The following SFXN5 variants were observed in gnomAD, a reference collection of about 807,000 sequenced individuals.
The protein encoded by SFXN5 is sideroflexin-5.
In SFXN5, 43 loss-of-function variants were observed where a neutral mutation model predicts 50.2. That is an observed-to-expected ratio of 0.86 (90% confidence interval 0.67 to 1.11). The LOEUF is 1.11. SFXN5 is among the 50% of genes least tolerant of loss of function. The pLI, the probability that SFXN5 is intolerant of heterozygous loss-of-function variation, is 0.00. For synonymous variants in SFXN5, 203 were observed against 185.8 expected (o/e 1.09, Z -0.75); for missense variants, 463 against 454.1 (o/e 1.02, Z -0.18).
chr2:73,040,886 CATG>C lies in SFXN5; in HGVS notation c.214_216del (p.His72del). 6.2e-7 allele frequency: 1 copy of C among 1,613,138 alleles called. No individual in the cohort carries two copies. ...TTGGTGACCCCCGGGCGCAGGGTCCCATGCTTATAGTCCTCCAGCAGCTGCACA... is the reference window on the plus strand; with the variant it reads ...TTGGTGACCCCCGGGCGCAGGGTCCCCTTATAGTCCTCCAGCAGCTGCACA... On this transcript the variant is annotated inframe_deletion, in exon 3 of 14. Coordinates refer to ENST00000272433, the MANE Select transcript of SFXN5 (RefSeq NM_144579.3).
intron 6 of SFXN5, among the ~76,000 whole-genome samples, chr2:73,004,311 G>A (rs895783329): frequency 3.9e-4 from 35 of 89,622 alleles, no homozygotes; most frequent in African/African-American, 1.9e-3. Flanking sequence ...GAATGAGTGC[G>A]CGCGCACACA....
rs191056581 is a variant in SFXN5 at position 73,041,428 on chromosome 2, A to C, written c.172-497T>G. Among the ~76,000 whole-genome samples, 875 of 152,304 alleles carry C rather than the reference A, an allele frequency of 5.7e-3. 8 individuals are homozygous for C. Among genetic ancestry groups the C allele is most frequent in the African/African-American group, 0.018 (756 of 41,572 alleles). On this transcript the variant is annotated intron_variant, in intron 2 of 13. Transcript: ENST00000272433. ...GCTTTTAGGCCAGGCGCGGTGGCTC[A>C]CACCTGTAATCCCAGCACTTTTGGA...
rs1168959441 is a variant in SFXN5 at position 73,047,307 on chromosome 2, ATGTG to A, written c.172-6380_172-6377del. Among the ~76,000 whole-genome samples, 35 of 68,226 alleles carry A rather than the reference ATGTG, an allele frequency of 5.1e-4. No individual in the cohort carries two copies. In the East Asian group the frequency reaches 7.4e-3, roughly 14 times the overall value. 44.8% of individuals were successfully genotyped at this position (68,226 alleles called of 152,430 possible). A position where few individuals can be genotyped will look rare whatever the true frequency, so the allele number is the denominator to read the frequency against. On this transcript the variant is annotated intron_variant, in intron 2 of 13. Coordinates refer to ENST00000272433, the MANE Select transcript of SFXN5 (RefSeq NM_144579.3). ...ATATATATATATATATAAAATATAT[ATGTG>A]TGTGTATGTATATATATGTGTATAT...
At chr2:73,005,920 G>A (rs1426326529) in intron 6 of SFXN5, among the ~76,000 whole-genome samples, 1 of 151,986 alleles carries the variant, frequency 6.6e-6, no homozygotes, top group African/African-American at 2.4e-5. Flanking sequence ...TAATTGCAGG[G>A]GGTGGGGGTG....
chr2:73,046,909 A>C (rs1207299668), intron 2 of SFXN5, among the ~76,000 whole-genome samples: 1 of 149,560 alleles, frequency 6.7e-6, no homozygotes, highest in African/African-American at 2.5e-5. Context: ...TGGACATCTC[A>C]CTTGCTGCTA....
intron 3 of SFXN5, among the ~76,000 whole-genome samples, chr2:73,034,321 A>G (rs1678687802): frequency 6.6e-6 from 1 of 152,238 alleles, no homozygotes; most frequent in South Asian, 2.1e-4. Flanking sequence ...GGGTCAGCCA[A>G]GCCTTCCCTT....
Position 72,999,075 on chromosome 2 carries a change from T to C in SFXN5, c.469-61A>G, listed in dbSNP as rs115898648. On this transcript the variant is annotated intron_variant, in intron 8 of 13. Coordinates refer to ENST00000272433, the MANE Select transcript of SFXN5 (RefSeq NM_144579.3). ...TGCCCAAAGCTCCCATACTTCCCCT[T>C]GTAAGCTGTCCCAGCCAGCAAGAAG... 10,980 of 1,565,456 alleles carry C rather than the reference T, an allele frequency of 7.0e-3. 67 individuals are homozygous for C. Among genetic ancestry groups the C allele is most frequent in the Middle Eastern group, 0.014 (82 of 5,970 alleles).
At chr2:72,972,324 T>C (rs1383720549) in intron 10 of SFXN5, among the ~76,000 whole-genome samples, 2 of 152,218 alleles carry the variant, frequency 1.3e-5, no homozygotes, top group Non-Finnish European at 2.9e-5. Flanking sequence ...CTACAGTGCC[T>C]CTGCCTCTGA....
At chr2:72,968,416 G>A (rs1183058944) in intron 12 of SFXN5, 32 bp downstream of exon 12, 1 of 1,594,526 alleles carries the variant, frequency 6.3e-7, no homozygotes, top group South Asian at 1.1e-5. Context: ...CTCCCCCATG[G>A]TGGCCTCTCC....
intron 10 of SFXN5, among the ~76,000 whole-genome samples, chr2:72,979,543 A>C (rs1412258627): frequency 6.6e-6 from 1 of 152,184 alleles, no homozygotes; most frequent in Non-Finnish European, 1.5e-5. Context: ...CCAAGACAGA[A>C]GAATTGCTTG....
intron 13 of SFXN5, among the ~76,000 whole-genome samples, chr2:72,955,192 G>C (rs764314178): frequency 6.6e-6 from 1 of 152,190 alleles, no homozygotes; most frequent in African/African-American, 2.4e-5. Context: ...GCTAATTATT[G>C]ACAGTTGGTG....
intron 2 of SFXN5, among the ~76,000 whole-genome samples, chr2:73,047,339 AT>A (rs1680628197): frequency 7.3e-6 from 1 of 136,322 alleles, no homozygotes; most frequent in African/African-American, 2.6e-5. Flanking sequence ...GTGTATATAT[AT>A]GTACATATAT....
At position 73,066,375 on chromosome 2, in the gene SFXN5, T is replaced by C. The variant is rs553882898; in HGVS notation, c.102+5229A>G. On this transcript the variant is annotated intron_variant, in intron 1 of 13. Coordinates refer to ENST00000272433, the MANE Select transcript of SFXN5 (RefSeq NM_144579.3). ...GAGTTTGAGACCAGCCTGGCCAACA[T>C]GGTGAAACCCCATCTCTACTAAAAA... Among the ~76,000 whole-genome samples, 8 of 152,116 alleles carry C rather than the reference T, an allele frequency of 5.3e-5. No individual in the cohort carries two copies. The East Asian group carries it at 1.2e-3, about 22-fold the overall frequency.
intron 3 of SFXN5, among the ~76,000 whole-genome samples, chr2:73,034,510 A>G (rs1678715849): frequency 6.6e-6 from 1 of 152,216 alleles, no homozygotes. Context: ...TCTCCTAGGC[A>G]GGTCGCAGAC....
chr2:72,988,990 G>T (rs1203580773), intron 9 of SFXN5, among the ~76,000 whole-genome samples: 1 of 152,116 alleles, frequency 6.6e-6, no homozygotes, highest in Non-Finnish European at 1.5e-5. Context: ...TGGGGTCTTC[G>T]TCACTCCAGT....
intron 10 of SFXN5, among the ~76,000 whole-genome samples, chr2:72,971,953 G>A (rs1392235810): frequency 6.6e-6 from 1 of 152,198 alleles, no homozygotes; most frequent in African/African-American, 2.4e-5. Flanking sequence ...GCCACTTACC[G>A]AGGGGCTGCT....
intron 10 of SFXN5, among the ~76,000 whole-genome samples, chr2:72,986,438 G>A (rs1402881977): frequency 2.0e-5 from 3 of 152,138 alleles, no homozygotes; most frequent in African/African-American, 7.2e-5. Flanking sequence ...TACAGATGGA[G>A]AAGCAGGGCC....
intron 3 of SFXN5, among the ~76,000 whole-genome samples, chr2:73,024,326 C>G (rs111340045): frequency 6.6e-6 from 1 of 152,222 alleles, no homozygotes; most frequent in East Asian, 1.9e-4. Context: ...CCAGCCCAGG[C>G]CTTTTCAAAT....
At chr2:72,989,037 G>T (rs1201628273) in intron 9 of SFXN5, among the ~76,000 whole-genome samples, 2 of 152,174 alleles carry the variant, frequency 1.3e-5, no homozygotes, top group African/African-American at 4.8e-5. Flanking sequence ...GAGAGCACAG[G>T]CTTTCTCATG....
Sources: allele counts gnomAD v4.1 joint callset (sites outside exome capture counted in the v4.1 genomes callset), GRCh38; gene constraint gnomAD v4.1.1; transcripts MANE v1.5; gene names NCBI Gene and HGNC (gene_info 2026-07-23, HGNC 2026-07-21).